Variants in PXDNL observed in about 807,000 individuals in gnomAD.
PXDNL encodes the protein probable oxidoreductase PXDNL.
PXDNL carries 145 observed loss-of-function variants against 150.8 expected under a neutral mutation model. That is an observed-to-expected ratio of 0.96 (90% CI 0.84 to 1.10). The LOEUF is 1.10. PXDNL is among the 50% of genes least tolerant of loss of function. The probability of loss-of-function intolerance (pLI) is 0.00; values close to 1 mark genes in which losing one functional copy is unlikely to be tolerated. For synonymous variants in PXDNL, 757 were observed against 725.7 expected (o/e 1.04, Z -0.69); for missense variants, 2,087 against 1,873.9 (o/e 1.11, Z -2.10).
intron 1 of PXDNL, among the ~76,000 whole-genome samples, chr8:51,803,838 G>A (rs997396950): frequency 5.3e-5 from 8 of 152,110 alleles, no homozygotes; most frequent in African/African-American, 1.2e-4. Flanking sequence ...AATGTACACC[G>A]TTAGCCCAAT....
At chr8:51,692,908 C>T (rs1317581445) in intron 1 of PXDNL, among the ~76,000 whole-genome samples, 1 of 152,188 alleles carries the variant, frequency 6.6e-6, no homozygotes, top group African/African-American at 2.4e-5. Context: ...ACAAAAATTA[C>T]ACAAAATACA....
intron 2 of PXDNL, among the ~76,000 whole-genome samples, chr8:51,594,690 A>G (rs563806265): frequency 1.3e-5 from 2 of 152,314 alleles, no homozygotes; most frequent in Admixed American, 6.5e-5. Context: ...GTATTTTCCA[A>G]TCACAAGTAC....
chr8:51,722,773 G>T (rs13252521), intron 1 of PXDNL, among the ~76,000 whole-genome samples: 1 of 152,046 alleles, frequency 6.6e-6, no homozygotes, highest in South Asian at 2.1e-4. Context: ...CATGGAGCCT[G>T]GGGTTTGGGG....
intron 17 of PXDNL, among the ~76,000 whole-genome samples, chr8:51,381,777 C>T (rs562978202): frequency 7.9e-5 from 12 of 151,494 alleles, no homozygotes; most frequent in African/African-American, 2.2e-4. Flanking sequence ...CTCAGCCTCC[C>T]GAGTAGCTGG....
intron 1 of PXDNL, among the ~76,000 whole-genome samples, chr8:51,680,331 T>C (rs1025542205): frequency 2.0e-5 from 3 of 152,162 alleles, no homozygotes; most frequent in African/African-American, 7.2e-5. Context: ...GGAGTAATAC[T>C]CTTTGCTTGG....
intron 1 of PXDNL, among the ~76,000 whole-genome samples, chr8:51,792,798 C>G (rs1379594454): frequency 6.6e-6 from 1 of 152,230 alleles, no homozygotes; most frequent in Non-Finnish European, 1.5e-5. Context: ...GTTTCCGCAA[C>G]TCCAGCCTTG....
intron 1 of PXDNL, among the ~76,000 whole-genome samples, chr8:51,803,757 G>T (rs763274515): frequency 3.3e-5 from 5 of 152,176 alleles, no homozygotes; most frequent in Non-Finnish European, 7.3e-5. Context: ...GAGCATTCCA[G>T]AATTCTAGCC....
Position 51,332,520 on chromosome 8 carries a change from A to T in PXDNL, c.4146+7104T>A. On this transcript the variant is annotated intron_variant, in intron 21 of 22. Coordinates refer to ENST00000356297, the MANE Select transcript of PXDNL (RefSeq NM_144651.5). ...AAAAGAATTCAGGAGGTTATTTATT[A>T]AGCTAATCAGAGAGGGACCAGAGAA... 1.3e-5 allele frequency among the ~76,000 whole-genome samples: 2 copies of T among 152,210 alleles called. 1 individual carries two copies. The highest frequency in any genetic ancestry group is 3.9e-4 in the East Asian group (2 of 5,194).
At chr8:51,665,066 G>A (rs1412541063) in intron 1 of PXDNL, among the ~76,000 whole-genome samples, 1 of 152,162 alleles carries the variant, frequency 6.6e-6, no homozygotes, top group African/African-American at 2.4e-5. Context: ...CATCTGCTCG[G>A]GTGCCTCTTG....
rs775546830 is a variant in PXDNL at position 51,408,952 on chromosome 8, GT to G, written c.2671del (p.Thr891GlnfsTer30). 1.2e-6 allele frequency: 2 copies of G among 1,612,774 alleles called. No homozygotes were observed. Among genetic ancestry groups the G allele is most frequent in the Admixed American group, 1.7e-5 (1 of 60,022 alleles). Reference sequence around the variant, plus strand: ...AACGTTGGAGCCATCGATGTAGGCTGTTTGCTGGTTGATCTGCTCTCGTGCA... The same window carrying G: ...AACGTTGGAGCCATCGATGTAGGCTGTTGCTGGTTGATCTGCTCTCGTGCA... ...VYAREQINQQ[T>X]AYIDGSNVYG... On this transcript the variant is annotated frameshift_variant, in exon 17 of 23. Coordinates refer to ENST00000356297, the MANE Select transcript of PXDNL (RefSeq NM_144651.5). LOFTEE classifies it high-confidence loss of function.
intron 1 of PXDNL, among the ~76,000 whole-genome samples, chr8:51,766,282 T>C (rs1181351443): frequency 1.3e-5 from 2 of 152,220 alleles, no homozygotes; most frequent in Non-Finnish European, 2.9e-5. Context: ...TCTATATTAC[T>C]ATTGTCATGC....
chr8:51,749,150 T>C (rs2037016134), intron 1 of PXDNL, among the ~76,000 whole-genome samples: 1 of 152,202 alleles, frequency 6.6e-6, no homozygotes, highest in South Asian at 2.1e-4. Flanking sequence ...AATTATGTAG[T>C]ACAAGGAGGT....
chr8:51,567,393 G>T (rs749623275), intron 3 of PXDNL, among the ~76,000 whole-genome samples: 1 of 151,654 alleles, frequency 6.6e-6, no homozygotes, highest in Non-Finnish European at 1.5e-5. Flanking sequence ...TATCATAGTC[G>T]ATTCCTCTAT....
chr8:51,361,833 A>G (rs1806746567), intron 19 of PXDNL, among the ~76,000 whole-genome samples: 2 of 148,474 alleles, frequency 1.3e-5, no homozygotes, highest in Admixed American at 1.4e-4. Flanking sequence ...GTGATAGTGG[A>G]CACCTGTAGT....
At chr8:51,511,936 G>A (rs1271878370) in intron 4 of PXDNL, among the ~76,000 whole-genome samples, 3 of 152,150 alleles carry the variant, frequency 2.0e-5, no homozygotes, top group Non-Finnish European at 4.4e-5. Flanking sequence ...CCATCATCCA[G>A]CCAAGTTACT....
intron 19 of PXDNL, among the ~76,000 whole-genome samples, chr8:51,370,997 G>A (rs1010295187): frequency 6.6e-6 from 1 of 152,196 alleles, no homozygotes; most frequent in African/African-American, 2.4e-5. Context: ...CAGTCCCAGA[G>A]AACATCAGAA....
rs564506033 is a variant in PXDNL at position 51,710,706 on chromosome 8, T to C, written c.165-55946A>G. The stretch of plus-strand genomic sequence containing the variant: ...AGCTCATGAAGTATTTGTCTTTCTG[T>C]GCCTGGCTTATTTCATTTAGCATAA... On this transcript the variant is annotated intron_variant, in intron 1 of 22. Transcript: ENST00000356297. Among the ~76,000 whole-genome samples, 196 of 152,336 alleles carry C rather than the reference T, an allele frequency of 1.3e-3. 2 individuals carry two copies. Among genetic ancestry groups the C allele is most frequent in the East Asian group, 6.0e-3 (31 of 5,188 alleles).
chr8:51,349,553 C>A (rs1806269533), intron 19 of PXDNL, among the ~76,000 whole-genome samples: 1 of 152,218 alleles, frequency 6.6e-6, no homozygotes, highest in African/African-American at 2.4e-5. Context: ...AGAGAAGGGC[C>A]TTGTCCTACC....
chr8:51,644,125 A>C (rs1015987942), intron 2 of PXDNL, among the ~76,000 whole-genome samples: 1 of 151,492 alleles, frequency 6.6e-6, no homozygotes. Context: ...CAGCCTGGGC[A>C]ACAGCGTGAG....
Sources: allele counts gnomAD v4.1 joint callset (sites outside exome capture counted in the v4.1 genomes callset), GRCh38; gene constraint gnomAD v4.1.1; transcripts MANE v1.5; gene names NCBI Gene and HGNC (gene_info 2026-07-23, HGNC 2026-07-21).